The following ZNF593 variants were observed in gnomAD, a reference collection of about 807,000 sequenced individuals.
ZNF593 encodes zinc finger protein 593, also known as BUD20 homolog.
ZNF593 carries 18 observed loss-of-function variants against 12.9 expected under a neutral mutation model. The ratio of observed to expected loss-of-function variants is 1.40; its 90% CI spans 0.96 to 2.07. The LOEUF (loss-of-function observed/expected upper bound fraction) is 2.07. Ranked by LOEUF, ZNF593 falls within the 30% of genes most tolerant of loss-of-function variation. The pLI is 0.00. For synonymous variants in ZNF593, 79 were observed against 79.9 expected, an observed-to-expected ratio of 0.99 and a Z score of 0.06; for missense variants, 198 against 186.7, an observed-to-expected ratio of 1.06 and a Z score of -0.35.
Position 26,169,927 on chromosome 1 carries a change from A to T in ZNF593, c.-57A>T. 2 of 1,477,014 alleles carry T rather than the reference A, an allele frequency of 1.4e-6. No individual in the cohort carries two copies. Among genetic ancestry groups the T allele is most frequent in the Non-Finnish European group, 1.8e-6 (2 of 1,115,302 alleles). The allele number at this position is 1,477,014 out of a possible 1,614,324, so 91.5% of individuals were successfully genotyped here. ...GTAGCTGATCGGCCCGGAAGTGCTC[A>T]CACGTGTGCTCCCTGCCCTGCTCCT... On this transcript the variant is annotated 5_prime_UTR_variant, in exon 1 of 3. Coordinates refer to ENST00000374266, the MANE Select transcript of ZNF593 (RefSeq NM_015871.5).
rs2088486915 is a variant in ZNF593 at position 26,170,661 on chromosome 1, T to C, written c.350T>C (p.Leu117Pro). The C allele has an allele frequency of 1.9e-6, 3 of 1,611,758 alleles. No homozygotes were observed. Among genetic ancestry groups the C allele is most frequent in the African/African-American group, 2.7e-5 (2 of 74,906 alleles). Reference protein sequence around the residue: ...GMGSYVPPRRLAVPTEVSTEV... With the variant: ...GMGSYVPPRRPAVPTEVSTEV... ...GGATCCTATGTGCCCCCCAGGCGGC[T>C]GGCAGTGCCCACGGAAGTGTCCACT... The change falls in exon 3 of 3, where the codon CTG becomes CCG. Residue 117 changes from leucine (L) to proline (P), a missense_variant. Transcript: ENST00000374266.
chr1:26,170,202 C>G lies in ZNF593; in HGVS notation c.200+19C>G. 6.4e-7 allele frequency: 1 copy of G among 1,574,794 alleles called. No homozygotes were observed. Among genetic ancestry groups the G allele is most frequent in the African/African-American group, 1.3e-5 (1 of 74,118 alleles). ...CCTGCGCGTGAGTCCCGGACGAGCC[C>G]GGCCTGGGGCGGAGGAGGGTCCGCG... On this transcript the variant is annotated intron_variant, in intron 1 of 2. Coordinates refer to ENST00000374266, the MANE Select transcript of ZNF593 (RefSeq NM_015871.5).
Position 26,170,852 on chromosome 1 carries a change from T to A in ZNF593, c.*136T>A, listed in dbSNP as rs531263196. The A allele has an allele frequency of 1.2e-5, 13 of 1,095,594 alleles. No individual in the cohort carries two copies. The highest frequency in any genetic ancestry group is 7.9e-5 in the African/African-American group (5 of 63,170). The allele number at this position is 1,095,594 out of a possible 1,614,324, so 67.9% of individuals were successfully genotyped here. A position where few individuals can be genotyped will look rare whatever the true frequency, so the allele number is the denominator to read the frequency against. ...CCTCTTCTTGGTGCCCTGCCCCAAA[T>A]AAAGGAACTGGACAAAGAGAACTTG... is the stretch of plus-strand genomic sequence containing the variant. On this transcript the variant is annotated 3_prime_UTR_variant, in exon 3 of 3. Transcript: ENST00000374266.
rs1264193774 is a variant in ZNF593, at chr1:26,170,775, C to T, written c.*59C>T. 2 of 1,561,138 alleles carry T rather than the reference C, an allele frequency of 1.3e-6. No individual in the cohort carries two copies. Among genetic ancestry groups the T allele is most frequent in the African/African-American group, 1.4e-5 (1 of 73,990 alleles). On this transcript the variant is annotated 3_prime_UTR_variant, in exon 3 of 3. Transcript: ENST00000374266. ...CATGGACAGTGACGCAAGGACTAGG[C>T]TGGGAGGGAGCGTGCCAACCCCTTT...
Position 26,170,739 on chromosome 1 carries a change from G to A in ZNF593, c.*23G>A. 1.3e-6 allele frequency: 2 copies of A among 1,596,156 alleles called. No homozygotes were observed. Among genetic ancestry groups the A allele is most frequent in the Non-Finnish European group, 1.7e-6 (2 of 1,176,978 alleles). On this transcript the variant is annotated 3_prime_UTR_variant, in exon 3 of 3. Transcript: ENST00000374266. ...TGACATGGCCTGAAGATGCAGGGCA[G>A]AGGAATTGCCCATGGACAGTGACGC...
Position 26,170,401 on chromosome 1 carries a change from C to T in ZNF593, c.201-17C>T. The T allele has an allele frequency of 6.2e-7, 1 of 1,611,306 alleles. No individual in the cohort carries two copies. Among genetic ancestry groups the T allele is most frequent in the Non-Finnish European group, 8.5e-7 (1 of 1,177,994 alleles). On this transcript the variant is annotated splice_polypyrimidine_tract_variant and intron_variant, in intron 1 of 2. Coordinates refer to ENST00000374266, the MANE Select transcript of ZNF593 (RefSeq NM_015871.5). ...ACTATCACCTCCTCACTCTCCTTCTCACTTCCATTCCTACAGGAGGTACTT... is the reference window on the plus strand; with the variant it reads ...ACTATCACCTCCTCACTCTCCTTCTTACTTCCATTCCTACAGGAGGTACTT...
In ZNF593 at chr1:26,169,929, AC is replaced by A. The variant is rs769766447; in HGVS notation, c.-54del. ...AGCTGATCGGCCCGGAAGTGCTCAC[AC>A]GTGTGCTCCCTGCCCTGCTCCTGGC... On this transcript the variant is annotated 5_prime_UTR_variant, in exon 1 of 3. Transcript: ENST00000374266. The A allele has an allele frequency of 5.6e-5, 83 of 1,482,300 alleles. No individual in the cohort carries two copies. Among genetic ancestry groups the A allele is most frequent in the Non-Finnish European group, 7.3e-5 (82 of 1,118,352 alleles). The allele number at this position is 1,482,300 out of a possible 1,614,324, so 91.8% of individuals were successfully genotyped here.
In ZNF593 at chr1:26,170,472, C is replaced by G. The variant is rs1485221568; in HGVS notation, c.255C>G (p.His85Gln). ...AGACCCACTTCCGATCCAAAGACCA[C>G]AAGAAAAGGTATGAAGGAGTAAGGA... Reference protein sequence around the residue: ...NLKTHFRSKDHKKRLKQLSVE... With the variant: ...NLKTHFRSKDQKKRLKQLSVE... Residue 85 changes from histidine (H) to glutamine (Q), a missense_variant, in exon 2 of 3, where the codon CAC becomes CAG. Physicochemically the swap from His to Gln is conservative, Grantham distance 24. Coordinates refer to ENST00000374266, the MANE Select transcript of ZNF593 (RefSeq NM_015871.5). 5 of 1,614,200 alleles carry G rather than the reference C, an allele frequency of 3.1e-6. No homozygotes were observed. Among genetic ancestry groups the G allele is most frequent in the Non-Finnish European group, 4.2e-6 (5 of 1,180,038 alleles).
In ZNF593 at chr1:26,170,854, A is replaced by C; in HGVS notation, c.*138A>C. The C allele has an allele frequency of 9.2e-7, 1 of 1,083,692 alleles. No individual in the cohort carries two copies. The highest frequency in any genetic ancestry group is 1.3e-6 in the Non-Finnish European group (1 of 775,164). 67.1% of individuals were successfully genotyped at this position (1,083,692 alleles called of 1,614,324 possible). On this transcript the variant is annotated 3_prime_UTR_variant, in exon 3 of 3. Transcript: ENST00000374266. ...TCTTCTTGGTGCCCTGCCCCAAATAAAGGAACTGGACAAAGAGAACTTGCC... is the reference window on the plus strand; with the variant it reads ...TCTTCTTGGTGCCCTGCCCCAAATACAGGAACTGGACAAAGAGAACTTGCC...
Position 26,170,013 on chromosome 1 carries a change from C to T in ZNF593, c.30C>T (p.His10=). 5 of 1,560,684 alleles carry T rather than the reference C, an allele frequency of 3.2e-6. No homozygotes were observed. The highest frequency in any genetic ancestry group is 2.3e-5 in the South Asian group (2 of 85,348). The change falls in exon 1 of 3, where the codon CAC becomes CAT. Residue 10 remains histidine, a synonymous_variant. Transcript: ENST00000374266. The part of the protein sequence containing the change: MGRSRRTGA[H]RAHSLARQMK... ...GTCGCTCCCGCCGGACAGGCGCGCA[C>T]CGAGCGCACTCTCTAGCCCGGCAGA...
At position 26,170,130 on chromosome 1, in the gene ZNF593, C is replaced by A; in HGVS notation, c.147C>A (p.Ala49=). The change falls in exon 1 of 3, where the codon GCC becomes GCA. Residue 49 remains alanine (A), a synonymous_variant. Coordinates refer to ENST00000374266, the MANE Select transcript of ZNF593 (RefSeq NM_015871.5). ...CACGACCCCAGCCCGACCCAAACGC[C>A]GAGTTCGACCCCGACCTGCCAGGGG... ...GSARPQPDPN[A]EFDPDLPGGG... 1 of 1,571,544 alleles carries A rather than the reference C, an allele frequency of 6.4e-7. No individual in the cohort carries two copies. Among genetic ancestry groups the A allele is most frequent in the Non-Finnish European group, 8.6e-7 (1 of 1,160,866 alleles).
At chr1:26,170,526 T>G in intron 2 of ZNF593, 46 bp downstream of exon 2, 1 of 1,614,160 alleles carries the variant, frequency 6.2e-7, no homozygotes, top group Non-Finnish European at 8.5e-7. Flanking sequence ...GCTCAGCAGA[T>G]AGGGCTCTCA....
chr1:26,170,149 C>T lies in ZNF593; in HGVS notation c.166C>T (p.Pro56Ser), dbSNP rs2088471561. The T allele has an allele frequency of 1.3e-6, 2 of 1,571,874 alleles. No individual in the cohort carries two copies. The highest frequency in any genetic ancestry group is 3.7e-5 in the Admixed American group (2 of 54,406). Residue 56 changes from proline to serine, a missense_variant, in exon 1 of 3, where the codon CCA (proline) becomes TCA (serine). By Grantham distance (74) the Pro-to-Ser change is moderately conservative (BLOSUM62 -1). Transcript: ENST00000374266. Reference protein sequence around the residue: ...DPNAEFDPDLPGGGLHRCLAC... With the variant: ...DPNAEFDPDLSGGGLHRCLAC... The stretch of plus-strand genomic sequence containing the variant: ...AAACGCCGAGTTCGACCCCGACCTG[C>T]CAGGGGGCGGTCTGCACCGCTGTCT...
At position 26,169,954 on chromosome 1, in the gene ZNF593, G is replaced by C; in HGVS notation, c.-30G>C. Reference sequence around the variant, plus strand: ...ACGTGTGCTCCCTGCCCTGCTCCTGGCCCCTTGGCCGGCCGGGCTGTTTCT... The same window carrying C: ...ACGTGTGCTCCCTGCCCTGCTCCTGCCCCCTTGGCCGGCCGGGCTGTTTCT... On this transcript the variant is annotated 5_prime_UTR_variant, in exon 1 of 3. Coordinates refer to ENST00000374266, the MANE Select transcript of ZNF593 (RefSeq NM_015871.5). 6.6e-7 allele frequency: 1 copy of C among 1,520,442 alleles called. No individual in the cohort carries two copies. The highest frequency in any genetic ancestry group is 1.7e-4 in the Middle Eastern group (1 of 5,718). 94.2% of individuals were successfully genotyped at this position (1,520,442 alleles called of 1,614,324 possible).
Position 26,170,083 on chromosome 1 carries a change from G to C in ZNF593, c.100G>C (p.Glu34Gln), listed in dbSNP as rs750736560. The change falls in exon 1 of 3, where the codon GAG (glutamate) becomes CAG (glutamine). Residue 34 changes from glutamate to glutamine, a missense_variant. Transcript: ENST00000374266. ...GCCGGACTTGGATGAGATTCACCGCGAGCTGCGGCCTCAGGGATCCGCACG... is the reference window on the plus strand; with the variant it reads ...GCCGGACTTGGATGAGATTCACCGCCAGCTGCGGCCTCAGGGATCCGCACG... ...RRPDLDEIHR[E>Q]LRPQGSARPQ... 1.9e-6 allele frequency: 3 copies of C among 1,572,944 alleles called. No individual in the cohort carries two copies. Among genetic ancestry groups the C allele is most frequent in the East Asian group, 4.6e-5 (2 of 43,094 alleles).
rs753776147 is a variant in ZNF593 at position 26,170,029 on chromosome 1, G to T, written c.46G>T (p.Ala16Ser). 2.4e-5 allele frequency: 37 copies of T among 1,570,442 alleles called. No individual in the cohort carries two copies. In the Middle Eastern group the frequency reaches 5.0e-4, roughly 21 times the overall value. ...AGGCGCGCACCGAGCGCACTCTCTA[G>T]CCCGGCAGATGAAGGCGAAGCGGCG... ...RTGAHRAHSL[A>S]RQMKAKRRRP... The change falls in exon 1 of 3, where the codon GCC becomes TCC. Residue 16 changes from alanine (A) to serine (S), a missense_variant. By Grantham distance (99) the Ala-to-Ser change is moderately conservative. Transcript: ENST00000374266.
At chr1:26,170,226 C>T in intron 1 of ZNF593, 43 bp downstream of exon 1, 1 of 1,579,120 alleles carries the variant, frequency 6.3e-7, no homozygotes, top group Admixed American at 1.8e-5. Flanking sequence ...GGAGGGTCCG[C>T]GGTACCGGCC....
rs753773905 is a variant in ZNF593 at position 26,169,954 on chromosome 1, G to T, written c.-30G>T. 2 of 1,520,442 alleles carry T rather than the reference G, an allele frequency of 1.3e-6. No individual in the cohort carries two copies. The highest frequency in any genetic ancestry group is 1.8e-6 in the Non-Finnish European group (2 of 1,137,926). The allele number at this position is 1,520,442 out of a possible 1,614,324, so 94.2% of individuals were successfully genotyped here. A position where few individuals can be genotyped will look rare whatever the true frequency, so the allele number is the denominator to read the frequency against. ...ACGTGTGCTCCCTGCCCTGCTCCTG[G>T]CCCCTTGGCCGGCCGGGCTGTTTCT... is the stretch of plus-strand genomic sequence containing the variant. On this transcript the variant is annotated 5_prime_UTR_variant, in exon 1 of 3. Transcript: ENST00000374266.
At chr1:26,170,299 G>T in intron 1 of ZNF593, 116 bp downstream of exon 1, 1 of 1,519,386 alleles carries the variant, frequency 6.6e-7, no homozygotes, top group Admixed American at 1.9e-5. Context: ...CCGTGGGTCC[G>T]CCCGCCTCCC....
Sources: allele counts gnomAD v4.1 joint callset, GRCh38; gene constraint gnomAD v4.1.1; transcripts MANE v1.5; gene names NCBI Gene and HGNC (gene_info 2026-07-23, HGNC 2026-07-21).